CCBE1: variants seen among roughly 807,000 people sequenced by gnomAD.
CCBE1 encodes collagen and calcium-binding EGF domain-containing protein 1.
In CCBE1, 37 loss-of-function variants were observed where a neutral mutation model predicts 50.0. That is an observed-to-expected ratio of 0.74 (90% CI 0.57 to 0.97). The LOEUF is 0.97. Ranked by LOEUF, CCBE1 falls within the 50% of genes least tolerant of loss-of-function variation. The pLI, the probability that CCBE1 is intolerant of heterozygous loss-of-function variation, is 0.00. For synonymous variants in CCBE1, 234 were observed against 203.7 expected (o/e 1.15, Z -1.27); for missense variants, 538 against 523.8 (o/e 1.03, Z -0.26).
At chr18:59,445,867 C>G (rs1342565170) in intron 7 of CCBE1, among the ~76,000 whole-genome samples, 1 of 152,208 alleles carries the variant, frequency 6.6e-6, no homozygotes, top group African/African-American at 2.4e-5. Flanking sequence ...AACGGCAGCA[C>G]CTTACGTATG....
rs1014946037 is a variant in CCBE1, at chr18:59,439,597, T to C, written c.916-19A>G. The C allele has an allele frequency of 1.9e-6, 3 of 1,614,290 alleles. No homozygotes were observed. Among genetic ancestry groups the C allele is most frequent in the South Asian group, 2.2e-5 (2 of 91,088 alleles). ...GTGGACCCTGTAATACAAAAGGATC[T>C]GGTTTAACCACAGGCAAAAGCATGG... On this transcript the variant is annotated intron_variant, in intron 8 of 10. Coordinates refer to ENST00000439986, the MANE Select transcript of CCBE1 (RefSeq NM_133459.4).
chr18:59,633,458 T>C (rs368528573), intron 2 of CCBE1, among the ~76,000 whole-genome samples: 1 of 152,358 alleles, frequency 6.6e-6, no homozygotes, highest in South Asian at 2.1e-4. Flanking sequence ...CATTATTTAT[T>C]GCCAACAGCA....
intron 2 of CCBE1, among the ~76,000 whole-genome samples, chr18:59,581,131 A>G (rs1359753781): frequency 6.6e-6 from 1 of 152,170 alleles, no homozygotes; most frequent in Non-Finnish European, 1.5e-5. Flanking sequence ...ACAGAGTTTT[A>G]TTCTTGTGGA....
intron 2 of CCBE1, among the ~76,000 whole-genome samples, chr18:59,631,232 A>C (rs1420939575): frequency 6.6e-6 from 1 of 152,114 alleles, no homozygotes; most frequent in Non-Finnish European, 1.5e-5. Flanking sequence ...AAAGGCATGA[A>C]GGATAGCGAG....
chr18:59,532,120 C>CA (rs1344461172), intron 2 of CCBE1, among the ~76,000 whole-genome samples: 6 of 152,148 alleles, frequency 3.9e-5, no homozygotes, highest in African/African-American at 1.4e-4. Flanking sequence ...GGCTGGAGGG[C>CA]AATGGCATGA....
intron 2 of CCBE1, among the ~76,000 whole-genome samples, chr18:59,589,853 G>GTAC (rs2144531768): frequency 6.7e-6 from 1 of 149,370 alleles, no homozygotes; most frequent in Non-Finnish European, 1.5e-5. Context: ...CAGCTAGGAT[G>GTAC]TACTTCAGGA....
At position 59,697,322 on chromosome 18, in the gene CCBE1, G is replaced by T. The variant is rs1376797071; in HGVS notation, c.21C>A (p.Ser7Arg). MVPPPP[S>R]RGGAARGQLG... ...GCTGGCCCCTGGCAGCTCCTCCCCG[G>T]CTCGGAGGCGGCGGCACCATCAGGG... The change falls in exon 1 of 11, where the codon AGC becomes AGA. Residue 7 changes from serine to arginine, a missense_variant. Physicochemically the swap from Ser to Arg is moderately radical, Grantham distance 110 (BLOSUM62 -1). Transcript: ENST00000439986. 5 of 1,548,336 alleles carry T rather than the reference G, an allele frequency of 3.2e-6. No individual in the cohort carries two copies. The East Asian group carries it at 1.2e-4, about 38-fold the overall frequency.
At chr18:59,667,412 G>C (rs540141108) in intron 2 of CCBE1, among the ~76,000 whole-genome samples, 1 of 152,220 alleles carries the variant, frequency 6.6e-6, no homozygotes, top group Non-Finnish European at 1.5e-5. Context: ...GTTTACAAAG[G>C]TGTGCACAGG....
At chr18:59,563,404 T>C (rs972149230) in intron 2 of CCBE1, among the ~76,000 whole-genome samples, 2 of 152,228 alleles carry the variant, frequency 1.3e-5, no homozygotes. Context: ...GTAGCAAGCA[T>C]CCAGGGTATT....
At chr18:59,560,272 C>A (rs911154824) in intron 2 of CCBE1, among the ~76,000 whole-genome samples, 2 of 152,180 alleles carry the variant, frequency 1.3e-5, no homozygotes, top group African/African-American at 2.4e-5. Flanking sequence ...TTTGGTCCCA[C>A]CTGTGGAAGG....
chr18:59,608,800 G>T (rs2053534071), intron 2 of CCBE1, among the ~76,000 whole-genome samples: 1 of 152,082 alleles, frequency 6.6e-6, no homozygotes, highest in Non-Finnish European at 1.5e-5. Context: ...CAAAATAAAA[G>T]ATTTTCCTCA....
intron 3 of CCBE1, among the ~76,000 whole-genome samples, chr18:59,475,642 G>A (rs1376248153): frequency 6.6e-6 from 1 of 152,090 alleles, no homozygotes; most frequent in East Asian, 1.9e-4. Flanking sequence ...CCTCAACAGA[G>A]TTTAGTTTGT....
At chr18:59,500,122 T>G (rs1913547903) in intron 2 of CCBE1, among the ~76,000 whole-genome samples, 1 of 152,150 alleles carries the variant, frequency 6.6e-6, no homozygotes, top group Non-Finnish European at 1.5e-5. Flanking sequence ...CCTGAGGACC[T>G]CTTAGGCCAC....
chr18:59,457,201 G>A (rs1353233560), intron 5 of CCBE1, among the ~76,000 whole-genome samples: 8 of 152,290 alleles, frequency 5.3e-5, no homozygotes, highest in South Asian at 4.1e-4. Context: ...GCGAATTCCC[G>A]TAGCTTCCTC....
At chr18:59,637,107 T>C (rs1313396881) in intron 2 of CCBE1, among the ~76,000 whole-genome samples, 3 of 152,226 alleles carry the variant, frequency 2.0e-5, no homozygotes. Context: ...ATGGAGGTTA[T>C]GTAAATAATC....
At chr18:59,633,835 G>A (rs2053883428) in intron 2 of CCBE1, among the ~76,000 whole-genome samples, 1 of 151,870 alleles carries the variant, frequency 6.6e-6, no homozygotes, top group Non-Finnish European at 1.5e-5. Flanking sequence ...CCAAACATAA[G>A]TGACAAATTT....
intron 2 of CCBE1, among the ~76,000 whole-genome samples, chr18:59,501,652 C>T (rs1232645677): frequency 6.6e-6 from 1 of 152,162 alleles, no homozygotes; most frequent in African/African-American, 2.4e-5. Context: ...ATTCCTACTA[C>T]CTGTGCTGGT....
At chr18:59,682,894 G>C (rs768404292) in intron 2 of CCBE1, among the ~76,000 whole-genome samples, 1 of 152,180 alleles carries the variant, frequency 6.6e-6, no homozygotes, top group Non-Finnish European at 1.5e-5. Context: ...CTTAAAAAGA[G>C]AATGTCCAAA....
At chr18:59,530,639 A>C (rs1915012129) in intron 2 of CCBE1, among the ~76,000 whole-genome samples, 1 of 152,212 alleles carries the variant, frequency 6.6e-6, no homozygotes, top group African/African-American at 2.4e-5. Context: ...AAAAAGGCAC[A>C]AGCATTCACA....
Sources: allele counts gnomAD v4.1 joint callset (sites outside exome capture counted in the v4.1 genomes callset), GRCh38; gene constraint gnomAD v4.1.1; transcripts MANE v1.5; gene names NCBI Gene and HGNC (gene_info 2026-07-23, HGNC 2026-07-21).